Variants in ASB13 observed in about 807,000 individuals in gnomAD.
ASB13 encodes the protein ankyrin repeat and SOCS box containing 13.
In ASB13, 33 loss-of-function variants were observed where a neutral mutation model predicts 28.8. The ratio of observed to expected loss-of-function variants is 1.15; its 90% CI spans 0.87 to 1.53. The LOEUF (loss-of-function observed/expected upper bound fraction) is 1.53, where lower values mean the gene tolerates loss of function less well. Among genes scored for constraint, ASB13 ranks in the 40% most tolerant of loss-of-function variants. The pLI is 0.00. For missense variants in ASB13, 414 were observed against 390.1 expected (o/e 1.06, Z -0.52); for synonymous variants, 182 against 172.9 (o/e 1.05, Z -0.41).
rs918280329 is a variant in ASB13 at position 5,661,091 on chromosome 10, C to G, written c.43+5418G>C. On this transcript the variant is annotated intron_variant, in intron 1 of 5. Transcript: ENST00000357700. This position sits in a 1 kb window ranked among gnomAD's most constrained non-coding sequence, Gnocchi z 4.9. The stretch of plus-strand genomic sequence containing the variant: ...TTTGCCAGTATCTCCTCAGTCATCC[C>G]AGAGCCAGAGCCCCACTCGTTGGGC... Among the ~76,000 whole-genome samples the G allele has an allele frequency of 3.9e-5, 6 of 152,200 alleles. No individual in the cohort carries two copies. The highest frequency in any genetic ancestry group is 1.4e-4 in the African/African-American group (6 of 41,446).
chr10:5,664,169 G>A lies in ASB13; in HGVS notation c.43+2340C>T, dbSNP rs987093976. 6.6e-6 allele frequency among the ~76,000 whole-genome samples: 1 copy of A among 152,098 alleles called. No homozygotes were observed. The highest frequency in any genetic ancestry group is 2.4e-5 in the African/African-American group (1 of 41,392). On this transcript the variant is annotated intron_variant, in intron 1 of 5. Transcript: ENST00000357700. This position sits in a 1 kb window ranked among gnomAD's most constrained non-coding sequence, Gnocchi z 4.2. ...AGGGAATCTGAACTACCCCTGGGAG[G>A]GCACTGAACGCAAAGGGATGCGCAA...
At position 5,658,570 on chromosome 10, in the gene ASB13, G is replaced by T. The variant is rs778449673; in HGVS notation, c.44-5520C>A. On this transcript the variant is annotated intron_variant, in intron 1 of 5. Coordinates refer to ENST00000357700, the MANE Select transcript of ASB13 (RefSeq NM_024701.4). This position sits in a 1 kb window ranked among gnomAD's most constrained non-coding sequence, Gnocchi z 4.2. ...CAGGGGCTTGGGGGAGGAGAAATGGGGAGTTAGTGTTTCATGGGGACAGAA... is the reference window on the plus strand; with the variant it reads ...CAGGGGCTTGGGGGAGGAGAAATGGTGAGTTAGTGTTTCATGGGGACAGAA... 1.3e-5 allele frequency among the ~76,000 whole-genome samples: 2 copies of T among 152,130 alleles called. No homozygotes were observed. The highest frequency in any genetic ancestry group is 2.9e-5 in the Non-Finnish European group (2 of 68,016).
rs1399598955 is a variant in ASB13, at chr10:5,641,018, G to A, written c.710-188C>T. On this transcript the variant is annotated intron_variant, in intron 5 of 5. Coordinates refer to ENST00000357700, the MANE Select transcript of ASB13 (RefSeq NM_024701.4). The surrounding 1 kb of genome is among the most constrained non-coding windows in gnomAD (Gnocchi z 8.4). Reference sequence around the variant, plus strand: ...AGGGAGCCCAGGAAATGAAGTTCGGGGCATGATGTCCACTGGGATTGCCTT... The same window carrying A: ...AGGGAGCCCAGGAAATGAAGTTCGGAGCATGATGTCCACTGGGATTGCCTT... 1.3e-5 allele frequency among the ~76,000 whole-genome samples: 2 copies of A among 152,100 alleles called. No individual in the cohort carries two copies. The highest frequency in any genetic ancestry group is 2.9e-5 in the Non-Finnish European group (2 of 68,022).
Position 5,661,583 on chromosome 10 carries a change from C to T in ASB13, c.43+4926G>A, listed in dbSNP as rs1466197008. ...GATCAGGGCTCACTGCAGCCTCAAC[C>T]TCCTAGGTTCAAGTGATCCTCCCAC... On this transcript the variant is annotated intron_variant, in intron 1 of 5. Transcript: ENST00000357700. This position sits in a 1 kb window ranked among gnomAD's most constrained non-coding sequence, Gnocchi z 4.9. Among the ~76,000 whole-genome samples, 2 of 152,134 alleles carry T rather than the reference C, an allele frequency of 1.3e-5. No individual in the cohort carries two copies. The highest frequency in any genetic ancestry group is 4.8e-5 in the African/African-American group (2 of 41,424).
At position 5,645,784 on chromosome 10, in the gene ASB13, C is replaced by T. The variant is rs1210036918; in HGVS notation, c.517+3186G>A. On this transcript the variant is annotated intron_variant, in intron 4 of 5. Transcript: ENST00000357700. This position sits in a 1 kb window ranked among gnomAD's most constrained non-coding sequence, Gnocchi z 5.4. ...CTTCTGTTTTTCTAGAGACACGGTCCCTGGCTTTCCTTTGGTTTCCCGAGG... is the reference window on the plus strand; with the variant it reads ...CTTCTGTTTTTCTAGAGACACGGTCTCTGGCTTTCCTTTGGTTTCCCGAGG... Among the ~76,000 whole-genome samples the T allele has an allele frequency of 1.3e-5, 2 of 152,036 alleles. No homozygotes were observed. The highest frequency in any genetic ancestry group is 4.8e-5 in the African/African-American group (2 of 41,392).
At position 5,659,393 on chromosome 10, in the gene ASB13, A is replaced by C. The variant is rs1222514198; in HGVS notation, c.44-6343T>G. Reference sequence around the variant, plus strand: ...ACAAGGGCTCCCTCCTCCAGGGTGGAACCCAGGCAAGGAACAAGGTCCACG... The same window carrying C: ...ACAAGGGCTCCCTCCTCCAGGGTGGCACCCAGGCAAGGAACAAGGTCCACG... On this transcript the variant is annotated intron_variant, in intron 1 of 5. Transcript: ENST00000357700. The surrounding 1 kb of genome is among the most constrained non-coding windows in gnomAD (Gnocchi z 5.8). 2.6e-5 allele frequency among the ~76,000 whole-genome samples: 4 copies of C among 152,160 alleles called. No homozygotes were observed. The highest frequency in any genetic ancestry group is 5.9e-5 in the Non-Finnish European group (4 of 68,016).
Position 5,663,232 on chromosome 10 carries a change from AAG to A in ASB13, c.43+3275_43+3276del, listed in dbSNP as rs1835203991. 6.6e-6 allele frequency among the ~76,000 whole-genome samples: 1 copy of A among 152,210 alleles called. No homozygotes were observed. Among genetic ancestry groups the A allele is most frequent in the African/African-American group, 2.4e-5 (1 of 41,454 alleles). On this transcript the variant is annotated intron_variant, in intron 1 of 5. Transcript: ENST00000357700. The surrounding 1 kb of genome is among the most constrained non-coding windows in gnomAD (Gnocchi z 4.9). ...AAATGAAAGCAGAAGACAAGGAGAAAAGAGGTGAAAATAGGTGGGCTAAGGAG... is the reference window on the plus strand; with the variant it reads ...AAATGAAAGCAGAAGACAAGGAGAAAAGGTGAAAATAGGTGGGCTAAGGAG...
rs934978471 is a variant in ASB13 at position 5,640,253 on chromosome 10, G to A, written c.*450C>T. ...CCTATGAGCACCGAGGGCAGTCCTG[G>A]TGCCGACCCGGAGGTGGTGGCCTGC... On this transcript the variant is annotated 3_prime_UTR_variant, in exon 6 of 6. Coordinates refer to ENST00000357700, the MANE Select transcript of ASB13 (RefSeq NM_024701.4). 2 of 159,198 alleles carry A rather than the reference G, an allele frequency of 1.3e-5. No individual in the cohort carries two copies. Among genetic ancestry groups the A allele is most frequent in the Non-Finnish European group, 2.8e-5 (2 of 72,036 alleles). The allele number at this position is 159,198 out of a possible 1,614,324, so 9.9% of individuals were successfully genotyped here.
chr10:5,642,570 G>T lies in ASB13; in HGVS notation c.518-609C>A. On this transcript the variant is annotated intron_variant, in intron 4 of 5. Transcript: ENST00000357700. This position sits in a 1 kb window ranked among gnomAD's most constrained non-coding sequence, Gnocchi z 4.1. ...TTCATCAAGCTGATTAAAAGTAAAG[G>T]TAAAAAAAAATTTTTTTTTAAAAAA... 8.5e-7 allele frequency: 1 copy of T among 1,170,314 alleles called. No homozygotes were observed. The highest frequency in any genetic ancestry group is 1.1e-6 in the Non-Finnish European group (1 of 935,922). 72.5% of individuals were successfully genotyped at this position (1,170,314 alleles called of 1,614,324 possible). A position where few individuals can be genotyped will look rare whatever the true frequency, so the allele number is the denominator to read the frequency against.
Position 5,655,860 on chromosome 10 carries a change from G to A in ASB13, c.44-2810C>T, listed in dbSNP as rs11257228. On this transcript the variant is annotated intron_variant, in intron 1 of 5. Transcript: ENST00000357700. The surrounding 1 kb of genome is among the most constrained non-coding windows in gnomAD (Gnocchi z 6.2). Reference sequence around the variant, plus strand: ...GAAAGTGCATCTCAGGAGGCCACCTGAGCCGGGAAGGCGCGTTCCCGACGT... The same window carrying A: ...GAAAGTGCATCTCAGGAGGCCACCTAAGCCGGGAAGGCGCGTTCCCGACGT... 0.099 allele frequency among the ~76,000 whole-genome samples: 15,093 copies of A among 152,240 alleles called. 929 individuals are homozygous for A. The highest frequency in any genetic ancestry group is 0.16 in the South Asian group (785 of 4,822).
intron 1 of ASB13, among the ~76,000 whole-genome samples, chr10:5,654,914 T>C (rs1384662982): frequency 1.3e-5 from 2 of 152,212 alleles, no homozygotes; most frequent in African/African-American, 2.4e-5. Flanking sequence ...CTGGCCAACA[T>C]GGTGAAACCC....
intron 4 of ASB13, among the ~76,000 whole-genome samples, chr10:5,648,131 C>G (rs1834914900): frequency 6.6e-6 from 1 of 151,278 alleles, no homozygotes; most frequent in Non-Finnish European, 1.5e-5. Context: ...AGGTAAACAC[C>G]CACTCAGGTA....
rs984017804 is a variant in ASB13, at chr10:5,650,779, C to G, written c.382+434G>C. 2.8e-4 allele frequency among the ~76,000 whole-genome samples: 42 copies of G among 152,220 alleles called. No homozygotes were observed. Among genetic ancestry groups the G allele is most frequent in the African/African-American group, 1.0e-3 (42 of 41,464 alleles). The stretch of plus-strand genomic sequence containing the variant: ...GGGGCAGATGAGGTCCCACCTGCTC[C>G]CTGAGCCTGCAGGACCAGCACTGTT... On this transcript the variant is annotated intron_variant, in intron 3 of 5. Coordinates refer to ENST00000357700, the MANE Select transcript of ASB13 (RefSeq NM_024701.4). This position sits in a 1 kb window ranked among gnomAD's most constrained non-coding sequence, Gnocchi z 6.0.
At position 5,645,056 on chromosome 10, in the gene ASB13, G is replaced by A. The variant is rs2094619009; in HGVS notation, c.518-3095C>T. Reference sequence around the variant, plus strand: ...CTGAACTTCGTGCTTCAGAGAAAAGGGGTCAACACAGGCTCATTACCAAAA... The same window carrying A: ...CTGAACTTCGTGCTTCAGAGAAAAGAGGTCAACACAGGCTCATTACCAAAA... On this transcript the variant is annotated intron_variant, in intron 4 of 5. Coordinates refer to ENST00000357700, the MANE Select transcript of ASB13 (RefSeq NM_024701.4). The surrounding 1 kb of genome is among the most constrained non-coding windows in gnomAD (Gnocchi z 5.4). 6.6e-6 allele frequency among the ~76,000 whole-genome samples: 1 copy of A among 151,840 alleles called. No homozygotes were observed. The highest frequency in any genetic ancestry group is 2.4e-5 in the African/African-American group (1 of 41,324).
rs1008843841 is a variant in ASB13, at chr10:5,659,265, G to A, written c.44-6215C>T. Among the ~76,000 whole-genome samples, 15 of 152,040 alleles carry A rather than the reference G, an allele frequency of 9.9e-5. No individual in the cohort carries two copies. Among genetic ancestry groups the A allele is most frequent in the Middle Eastern group, 3.2e-3 (1 of 316 alleles). On this transcript the variant is annotated intron_variant, in intron 1 of 5. Transcript: ENST00000357700. The surrounding 1 kb of genome is among the most constrained non-coding windows in gnomAD (Gnocchi z 5.8). Reference sequence around the variant, plus strand: ...CATGCCGTGCTGGCGAGTTCCCTCCGGGACTCACGTTCTGCCCCTAAATCC... The same window carrying A: ...CATGCCGTGCTGGCGAGTTCCCTCCAGGACTCACGTTCTGCCCCTAAATCC...
Position 5,650,301 on chromosome 10 carries a change from G to C in ASB13, c.382+912C>G, listed in dbSNP as rs1834964530. 6.6e-6 allele frequency among the ~76,000 whole-genome samples: 1 copy of C among 152,174 alleles called. No homozygotes were observed. Among genetic ancestry groups the C allele is most frequent in the Non-Finnish European group, 1.5e-5 (1 of 68,034 alleles). ...GCACCTCCGTCTATCTGCACATGGA[G>C]GACCACTAAATGAACCTTCCCCAAA... On this transcript the variant is annotated intron_variant, in intron 3 of 5. Transcript: ENST00000357700. The surrounding 1 kb of genome is among the most constrained non-coding windows in gnomAD (Gnocchi z 6.0).
At chr10:5,666,449 G>T (rs1327082707) in intron 1 of ASB13, 60 bp downstream of exon 1, 14 of 1,247,910 alleles carry the variant, frequency 1.1e-5, no homozygotes, top group Non-Finnish European at 1.4e-5. Flanking sequence ...TCGGATACGC[G>T]GCCGGCCTCA....
In ASB13 at chr10:5,661,005, A is replaced by G. The variant is rs1251594167; in HGVS notation, c.43+5504T>C. ...AGGATGTGAGTATTTAGACCAGGGAAAGCAGCAAAGCAGACTTTTATTTTT... is the reference window on the plus strand; with the variant it reads ...AGGATGTGAGTATTTAGACCAGGGAGAGCAGCAAAGCAGACTTTTATTTTT... On this transcript the variant is annotated intron_variant, in intron 1 of 5. Coordinates refer to ENST00000357700, the MANE Select transcript of ASB13 (RefSeq NM_024701.4). The surrounding 1 kb of genome is among the most constrained non-coding windows in gnomAD (Gnocchi z 4.9). Among the ~76,000 whole-genome samples, 1 of 152,206 alleles carries G rather than the reference A, an allele frequency of 6.6e-6. No individual in the cohort carries two copies. Among genetic ancestry groups the G allele is most frequent in the Non-Finnish European group, 1.5e-5 (1 of 68,026 alleles).
At position 5,649,226 on chromosome 10, in the gene ASB13, C is replaced by A. The variant is rs3793709; in HGVS notation, c.383-122G>T. The A allele has an allele frequency of 5.2e-4, 718 of 1,378,294 alleles. 8 individuals are homozygous for A. The East Asian group carries it at 0.016, about 32-fold the overall frequency. 85.4% of individuals were successfully genotyped at this position (1,378,294 alleles called of 1,614,324 possible). On this transcript the variant is annotated intron_variant, in intron 3 of 5. Transcript: ENST00000357700. The surrounding 1 kb of genome is among the most constrained non-coding windows in gnomAD (Gnocchi z 6.4). ...GTGCAGGGCAGGGAAGCCAGGCAGG[C>A]CTGCGTCCCAACCTAGGGAGGAGTT...
Sources: gnomAD v4.1 joint callset for allele counts (sites outside exome capture counted in the v4.1 genomes callset) on GRCh38, gnomAD v4.1.1 for gene constraint, Gnocchi (gnomAD v3.1) non-coding constraint, MANE v1.5 for transcripts, NCBI Gene and HGNC (gene_info 2026-07-23, HGNC 2026-07-21) for gene names.